CLPTM1L: variants seen among roughly 807,000 people sequenced by gnomAD.
CLPTM1L encodes the protein CLPTM1 like, also known as lipid scramblase CLPTM1L.
Under a neutral mutation model 70.9 loss-of-function variants are expected in CLPTM1L, and 38 were observed. That is an observed-to-expected ratio of 0.54 (90% CI 0.41 to 0.70). The LOEUF (loss-of-function observed/expected upper bound fraction) is 0.70, where lower values mean the gene tolerates loss of function less well. Among genes scored for constraint, CLPTM1L ranks in the 30% least tolerant of loss-of-function variants. The pLI, the probability that CLPTM1L is intolerant of heterozygous loss-of-function variation, is 0.00. For missense variants in CLPTM1L, 652 were observed against 705.9 expected (o/e 0.92, Z 0.87); for synonymous variants, 339 against 299.9 (o/e 1.13, Z -1.35).
intron 3 of CLPTM1L, among the ~76,000 whole-genome samples, chr5:1,340,672 C>A (rs1190552660): frequency 6.6e-6 from 1 of 152,184 alleles, no homozygotes; most frequent in East Asian, 1.9e-4. Flanking sequence ...TGGGGAGAGG[C>A]AGGAGCAGGT....
rs1001992603 is a variant in CLPTM1L, at chr5:1,344,344, C to T, written c.263+7G>A. On this transcript the variant is annotated splice_region_variant and intron_variant, in intron 2 of 16. Transcript: ENST00000320895. ...CCTTTCACTGGCATTTTGTCCTACG[C>T]CCATACCTTTCAAATTTGGACTCCA... 16 of 1,595,484 alleles carry T rather than the reference C, an allele frequency of 1.0e-5. No homozygotes were observed. Among genetic ancestry groups the T allele is most frequent in the Non-Finnish European group, 1.3e-5 (15 of 1,163,050 alleles).
chr5:1,331,547 G>A, intron 8 of CLPTM1L: 3 of 571,580 alleles, frequency 5.2e-6, no homozygotes, highest in South Asian at 2.3e-5. Context: ...ATGCACGCCA[G>A]AGTCCGCAGC....
intron 7 of CLPTM1L, among the ~76,000 whole-genome samples, chr5:1,333,188 G>A (rs377304162): frequency 5.1e-4 from 21 of 40,960 alleles, no homozygotes; most frequent in Admixed American, 6.2e-4. Context: ...TATACACACC[G>A]GATGAGGATA....
Position 1,337,980 on chromosome 5 carries a change from A to G in CLPTM1L, c.602T>C (p.Ile201Thr), listed in dbSNP as rs774193025. 1.9e-6 allele frequency: 3 copies of G among 1,604,674 alleles called. No homozygotes were observed. In the East Asian group the frequency reaches 6.7e-5, roughly 36 times the overall value. The change falls in exon 5 of 17, where the codon ATC (isoleucine) becomes ACC (threonine). Residue 201 changes from isoleucine (I) to threonine (T), a missense_variant and splice_region_variant. Around this residue, in one of 3 missense-constraint regions of CLPTM1L, gnomAD observed 402 missense variants for 388.2 expected, o/e 1.04. Coordinates refer to ENST00000320895, the MANE Select transcript of CLPTM1L (RefSeq NM_030782.5). ...PADVHRYMKM[I>T]QLGKTVHYLP... ...GTAATGCACGGTTTTCCCCAGCTGG[A>G]TCCTGGGATTAAAGCACAACTTTCC...
chr5:1,337,737 CCT>C (rs563898533), intron 5 of CLPTM1L, among the ~76,000 whole-genome samples, 165 bp downstream of exon 5: 161 of 152,346 alleles, frequency 1.1e-3, no homozygotes, highest in Middle Eastern at 3.4e-3. Flanking sequence ...CCAGGGCCCC[CCT>C]GTCACAACCC....
chr5:1,333,688 G>C (rs11133730), intron 7 of CLPTM1L, among the ~76,000 whole-genome samples: 4 of 46,512 alleles, frequency 8.6e-5, no homozygotes, highest in Admixed American at 4.4e-4. Context: ...GACTACTGTA[G>C]ACACACCGCA....
intron 13 of CLPTM1L, 159 bp downstream of exon 13, chr5:1,322,718 G>C (rs779603551): frequency 7.0e-5 from 52 of 744,738 alleles, no homozygotes; most frequent in Non-Finnish European, 1.1e-4. Flanking sequence ...CTCACAGCCT[G>C]GGGGGAGCCC....
At chr5:1,338,624 C>T (rs1288646837) in intron 4 of CLPTM1L, among the ~76,000 whole-genome samples, 2 of 152,258 alleles carry the variant, frequency 1.3e-5, no homozygotes, top group East Asian at 1.9e-4. Flanking sequence ...TGGAAGCCTT[C>T]GCCAGCCAGG....
intron 7 of CLPTM1L, 34 bp downstream of exon 7, chr5:1,334,255 G>T (rs1374840005): frequency 6.4e-7 from 1 of 1,556,598 alleles, no homozygotes; most frequent in South Asian, 1.1e-5. Context: ...AGCCCCCCAA[G>T]TGCCTGCGGC....
chr5:1,325,973 G>A lies in CLPTM1L; in HGVS notation c.1081-157C>T, dbSNP rs927368078. ...TCCCACAGCTCAGGCCAGAGCGCTG[G>A]AGGCTGGACCTGGGCCTCTAACCCA... On this transcript the variant is annotated intron_variant, in intron 9 of 16. Transcript: ENST00000320895. The A allele has an allele frequency of 7.9e-6, 5 of 634,756 alleles. No homozygotes were observed. The Admixed American group carries it at 8.6e-5, about 11-fold the overall frequency. The allele number at this position is 634,756 out of a possible 1,614,324, so 39.3% of individuals were successfully genotyped here.
chr5:1,321,866 C>T, intron 13 of CLPTM1L, 47 bp from the exon 14 acceptor site: 1 of 1,567,140 alleles, frequency 6.4e-7, no homozygotes, highest in Non-Finnish European at 8.7e-7. Flanking sequence ...GGCCGGGCTG[C>T]CACATCTACG....
At chr5:1,327,230 TCATCCAGCTCCTCCTCGACAGACACATTC>T (rs1752655645) in intron 9 of CLPTM1L, among the ~76,000 whole-genome samples, 2 of 94,694 alleles carry the variant, frequency 2.1e-5, no homozygotes, top group Non-Finnish European at 2.1e-5. Context: ...CAGACACATT[TCATCCAGCTCCTCCTCGACAGACACATTC>T]CATCCAGCTC....
chr5:1,339,956 A>C (rs533404144), intron 3 of CLPTM1L, among the ~76,000 whole-genome samples: 78 of 152,238 alleles, frequency 5.1e-4, no homozygotes, highest in Middle Eastern at 3.4e-3. Context: ...CCGCGCCCGG[A>C]CAGCAGGGTC....
At chr5:1,341,969 G>T in intron 2 of CLPTM1L, 109 bp from the exon 3 acceptor site, 1 of 891,772 alleles carries the variant, frequency 1.1e-6, no homozygotes, top group Non-Finnish European at 1.7e-6. Context: ...TAGCTCAGAA[G>T]TACTAAAAAT....
chr5:1,326,870 GACAGACACATTTCATCCAGCTCCTCCTCT>G (rs1752610161), intron 9 of CLPTM1L, among the ~76,000 whole-genome samples: 1 of 68,272 alleles, frequency 1.5e-5, no homozygotes, highest in Non-Finnish European at 2.9e-5. Context: ...GCTCCTCCTC[GACAGACACATTTCATCCAGCTCCTCCTCT>G]ACGGACACAT....
At chr5:1,330,198 C>T in intron 9 of CLPTM1L, 82 bp downstream of exon 9, 2 of 1,148,044 alleles carry the variant, frequency 1.7e-6, no homozygotes, top group African/African-American at 3.0e-5. Context: ...CAGAAGGTCT[C>T]AGGTCCCGGG....
intron 7 of CLPTM1L, 33 bp downstream of exon 7, chr5:1,334,229 GGCCCGGGGCCCAGGGAGCCCCCCAAGT>G: frequency 7.9e-7 from 1 of 1,268,736 alleles, no homozygotes; most frequent in Non-Finnish European, 1.1e-6. Context: ...CCCTGCAGGA[GGCCCGGGGCCCAGGGAGCCCCCCAAGT>G]GCCTGCGGCA....
chr5:1,330,367 G>A lies in CLPTM1L; in HGVS notation c.993C>T (p.Phe331=), dbSNP rs1452932685. ...MSTKAVLWRC[F]STVVIFLFLL... ...GGAACAGAAAGATGACCACGGTGCT[G>A]AAGCAGCGCCAGAGCACTGGGGACA... Residue 331 remains phenylalanine (F), a synonymous_variant, in exon 9 of 17, where the codon TTC becomes TTT. Transcript: ENST00000320895. The A allele has an allele frequency of 3.1e-6, 5 of 1,612,842 alleles. No individual in the cohort carries two copies. The East Asian group carries it at 6.7e-5, about 22-fold the overall frequency.
At position 1,338,453 on chromosome 5, in the gene CLPTM1L, G is replaced by A. The variant is rs562941632; in HGVS notation, c.599+407C>T. ...CATGGGAGAGACGAGGTGAGCTCAGGTGGCCAAACACGTGAATTCCAATAA... is the reference window on the plus strand; with the variant it reads ...CATGGGAGAGACGAGGTGAGCTCAGATGGCCAAACACGTGAATTCCAATAA... On this transcript the variant is annotated intron_variant, in intron 4 of 16. Transcript: ENST00000320895. 43 of 269,348 alleles carry A rather than the reference G, an allele frequency of 1.6e-4. No homozygotes were observed. The East Asian group carries it at 3.3e-3, about 21-fold the overall frequency. 16.7% of individuals were successfully genotyped at this position (269,348 alleles called of 1,614,324 possible).
Sources: gnomAD v4.1 joint callset for allele counts (sites outside exome capture counted in the v4.1 genomes callset) on GRCh38, gnomAD v4.1.1 for gene constraint, gnomAD v4.1.1 regional missense constraint, MANE v1.5 for transcripts, NCBI Gene and HGNC (gene_info 2026-07-23, HGNC 2026-07-21) for gene names.